SCFD2: variants seen among roughly 807,000 people sequenced by gnomAD.
SCFD2 encodes the protein sec1 family domain containing 2.
Under a neutral mutation model 58.9 loss-of-function variants are expected in SCFD2, and 54 were observed. The ratio of observed to expected loss-of-function variants is 0.92; its 90% confidence interval spans 0.74 to 1.15. The LOEUF (loss-of-function observed/expected upper bound fraction) is 1.15. SCFD2 is among the 50% of genes most tolerant of loss of function. The probability of loss-of-function intolerance (pLI) is 0.00; values close to 1 mark genes in which losing one functional copy is unlikely to be tolerated. For synonymous variants in SCFD2, 321 were observed against 335.9 expected (o/e 0.96, Z 0.49); for missense variants, 805 against 836.6 (o/e 0.96, Z 0.47).
At chr4:53,201,910 A>C (rs1281408235) in intron 4 of SCFD2, among the ~76,000 whole-genome samples, 1 of 152,130 alleles carries the variant, frequency 6.6e-6, no homozygotes, top group Non-Finnish European at 1.5e-5. Context: ...AGTTCATTGT[A>C]GATTCTGGAT....
At chr4:53,017,646 A>T (rs924895014) in intron 5 of SCFD2, among the ~76,000 whole-genome samples, 1 of 152,196 alleles carries the variant, frequency 6.6e-6, no homozygotes, top group Non-Finnish European at 1.5e-5. Flanking sequence ...AATTTGTTGT[A>T]GTATAAAGAC....
intron 5 of SCFD2, among the ~76,000 whole-genome samples, chr4:53,027,412 C>A (rs1343006195): frequency 6.6e-6 from 1 of 152,194 alleles, no homozygotes; most frequent in Non-Finnish European, 1.5e-5. Flanking sequence ...TCTCTCCCAG[C>A]CCCAAGAGTC....
intron 4 of SCFD2, among the ~76,000 whole-genome samples, chr4:53,191,033 A>G (rs1295871436): frequency 2.0e-5 from 3 of 152,214 alleles, no homozygotes; most frequent in African/African-American, 7.2e-5. Context: ...ACTTTGCTTT[A>G]GATCTAAAAC....
intron 4 of SCFD2, among the ~76,000 whole-genome samples, chr4:53,229,852 A>C (rs2149005682): frequency 6.6e-6 from 1 of 152,348 alleles, no homozygotes; most frequent in South Asian, 2.1e-4. Context: ...GAATGGGAGA[A>C]AATTTTTGCA....
intron 5 of SCFD2, chr4:52,949,676 C>G (rs1416081669): frequency 6.6e-6 from 1 of 152,226 alleles, no homozygotes; most frequent in African/African-American, 2.4e-5. Context: ...TGTGACCACG[C>G]TGAAGTCTCA....
chr4:53,247,109 C>A (rs1730108634), intron 4 of SCFD2, among the ~76,000 whole-genome samples: 1 of 151,196 alleles, frequency 6.6e-6, no homozygotes, highest in African/African-American at 2.4e-5. Context: ...TGAACAGATA[C>A]TTTTCAAAAG....
intron 4 of SCFD2, among the ~76,000 whole-genome samples, chr4:53,151,522 C>T (rs1726505190): frequency 6.6e-6 from 1 of 152,146 alleles, no homozygotes; most frequent in Non-Finnish European, 1.5e-5. Context: ...ACTGCAAAGT[C>T]AGAGTTTGTC....
At chr4:53,246,891 A>G (rs1239072306) in intron 4 of SCFD2, among the ~76,000 whole-genome samples, 1 of 149,068 alleles carries the variant, frequency 6.7e-6, no homozygotes, top group African/African-American at 2.5e-5. Flanking sequence ...AAAAGAAGCT[A>G]TCAACAGAGC....
chr4:52,923,894 C>A (rs1719802941), intron 5 of SCFD2, among the ~76,000 whole-genome samples: 1 of 152,190 alleles, frequency 6.6e-6, no homozygotes, highest in South Asian at 2.1e-4. Flanking sequence ...TCTCACTCAA[C>A]ATGTGGCTTC....
chr4:53,010,894 A>G lies in SCFD2; in HGVS notation c.1562-90024T>C, dbSNP rs184892863. 3.3e-5 allele frequency among the ~76,000 whole-genome samples: 5 copies of G among 152,284 alleles called. 1 individual carries two copies. Among genetic ancestry groups the G allele is most frequent in the African/African-American group, 1.2e-4 (5 of 41,568 alleles). On this transcript the variant is annotated intron_variant, in intron 5 of 8. Coordinates refer to ENST00000401642, the MANE Select transcript of SCFD2 (RefSeq NM_152540.4). ...TCAGTTATGTCCTTAGAATGGTGAC[A>G]ATTTAAAATTTCTGCACCTCTTTTG...
At chr4:53,190,398 G>A (rs1276781763) in intron 4 of SCFD2, among the ~76,000 whole-genome samples, 2 of 152,096 alleles carry the variant, frequency 1.3e-5, no homozygotes, top group African/African-American at 2.4e-5. Flanking sequence ...GAAAACACCT[G>A]GCACTTCTCA....
chr4:52,967,363 T>C (rs1720985667), intron 5 of SCFD2, among the ~76,000 whole-genome samples: 1 of 152,170 alleles, frequency 6.6e-6, no homozygotes, highest in Non-Finnish European at 1.5e-5. Context: ...CTCCTAGATC[T>C]TACATTTTCA....
At chr4:53,306,963 C>A (rs1732534543) in intron 3 of SCFD2, among the ~76,000 whole-genome samples, 1 of 152,210 alleles carries the variant, frequency 6.6e-6, no homozygotes, top group South Asian at 2.1e-4. Flanking sequence ...AAAAAGATGG[C>A]ACGCCAACTG....
rs539895999 is a variant in SCFD2, at chr4:53,292,049, G to A, written c.1136-18048C>T. On this transcript the variant is annotated intron_variant, in intron 3 of 8. Transcript: ENST00000401642. ...TTCAAAATGAATTAAAGACTTAAAT[G>A]TAAAACCCAAAACTATAAAACTATA... is the stretch of plus-strand genomic sequence containing the variant. Among the ~76,000 whole-genome samples, 713 of 151,696 alleles carry A rather than the reference G, an allele frequency of 4.7e-3. 4 individuals carry two copies. Among genetic ancestry groups the A allele is most frequent in the African/African-American group, 0.016 (667 of 41,406 alleles).
intron 3 of SCFD2, among the ~76,000 whole-genome samples, chr4:53,288,607 G>GA (rs902167044): frequency 4.6e-5 from 7 of 151,974 alleles, no homozygotes; most frequent in East Asian, 3.8e-4. Context: ...GGAAAAATAT[G>GA]AAAAAAACAA....
At position 53,124,345 on chromosome 4, in the gene SCFD2, TA is replaced by T. The variant is rs537026028; in HGVS notation, c.1561+20987del. 4.6e-5 allele frequency among the ~76,000 whole-genome samples: 7 copies of T among 152,284 alleles called. No homozygotes were observed. In the East Asian group the frequency reaches 1.3e-3, roughly 29 times the overall value. On this transcript the variant is annotated intron_variant, in intron 5 of 8. Transcript: ENST00000401642. ...CCAGAGAAAGCTGAGGATCAAACTA[TA>T]AAATTTTCTTCTGAGAAAAGAAGCA...
intron 4 of SCFD2, among the ~76,000 whole-genome samples, chr4:53,192,725 G>A (rs1178682952): frequency 6.6e-6 from 1 of 152,096 alleles, no homozygotes; most frequent in Non-Finnish European, 1.5e-5. Context: ...TTGCTGTGAT[G>A]ATTAAATGGG....
At chr4:53,230,317 G>C (rs570508381) in intron 4 of SCFD2, among the ~76,000 whole-genome samples, 1 of 152,238 alleles carries the variant, frequency 6.6e-6, no homozygotes, top group East Asian at 1.9e-4. Flanking sequence ...AAAGACACAT[G>C]CACATGTATG....
intron 4 of SCFD2, among the ~76,000 whole-genome samples, chr4:53,239,046 G>T (rs892901330): frequency 6.6e-6 from 1 of 151,606 alleles, no homozygotes; most frequent in African/African-American, 2.4e-5. Flanking sequence ...CCGAGATCAC[G>T]CTACTGCACT....
Sources: gnomAD v4.1 joint callset for allele counts (sites outside exome capture counted in the v4.1 genomes callset) on GRCh38, gnomAD v4.1.1 for gene constraint, MANE v1.5 for transcripts, NCBI Gene and HGNC (gene_info 2026-07-23, HGNC 2026-07-21) for gene names.